The following APOB variants were observed in gnomAD, a reference collection of about 807,000 sequenced individuals.
APOB encodes apolipoprotein B-100.
A neutral mutation model predicts 314.1 loss-of-function variants in APOB; 153 were observed. That is an observed-to-expected ratio of 0.49 (90% CI 0.43 to 0.56). APOB has a LOEUF of 0.56. Ranked by LOEUF, APOB falls within the 20% of genes least tolerant of loss-of-function variation. The pLI is 0.00. For synonymous variants in APOB, 2,087 were observed against 2,036.4 expected, an observed-to-expected ratio of 1.02 and a Z score of -0.67; for missense variants, 5,430 against 5,350.7, an observed-to-expected ratio of 1.01 and a Z score of -0.46.
At chr2:21,040,390 G>A (rs1369716550) in intron 4 of APOB, among the ~76,000 whole-genome samples, 1 of 152,240 alleles carries the variant, frequency 6.6e-6, no homozygotes, top group Non-Finnish European at 1.5e-5. Context: ...AACTGTGATT[G>A]AGGATGAGGC....
intron 4 of APOB, among the ~76,000 whole-genome samples, chr2:21,040,597 C>T (rs752579847): frequency 3.9e-5 from 6 of 152,226 alleles, no homozygotes; most frequent in African/African-American, 1.2e-4. Flanking sequence ...CAGCCAGTGC[C>T]TCTGGGACCC....
intron 21 of APOB, 54 bp from the exon 22 acceptor site, chr2:21,015,599 A>G: frequency 6.3e-7 from 1 of 1,575,102 alleles, no homozygotes; most frequent in South Asian, 1.1e-5. Context: ...CAATGGAGAT[A>G]TGCAGGATTA....
At chr2:21,028,861 G>A (rs1663807894) in intron 12 of APOB, among the ~76,000 whole-genome samples, 1 of 152,196 alleles carries the variant, frequency 6.6e-6, no homozygotes, top group Non-Finnish European at 1.5e-5. Context: ...TTAATGTGAG[G>A]ATAAAGATGA....
In APOB at chr2:21,007,589, G is replaced by T. The variant is rs770472980; in HGVS notation, c.9279C>A (p.Phe3093Leu). Residue 3093 changes from phenylalanine (F) to leucine (L), a missense_variant, in exon 26 of 29, where the codon TTC becomes TTA. Coordinates refer to ENST00000233242, the MANE Select transcript of APOB (RefSeq NM_000384.3). ...AATTTTGGTTGTACTTATACTGATT[G>T]AACCTAGCACTTACTTGCCAACTTG... ...QQASWQVSAR[F>L]NQYKYNQNFS... 1 of 1,614,066 alleles carries T rather than the reference G, an allele frequency of 6.2e-7. No homozygotes were observed. The highest frequency in any genetic ancestry group is 8.5e-7 in the Non-Finnish European group (1 of 1,179,954).
In APOB at chr2:21,012,462, A is replaced by G. The variant is rs1157515229; in HGVS notation, c.4406T>C (p.Val1469Ala). ...CTGTTTCTTTTTGGAGTCCAAATGA[A>G]CTGAAGCAGACATCTGTGGTCCCCA... ...SSWGPQMSAS[V>A]HLDSKKKQHL... The change falls in exon 26 of 29, where the codon GTT (valine) becomes GCT (alanine). Residue 1469 changes from valine (V) to alanine (A), a missense_variant. Coordinates refer to ENST00000233242, the MANE Select transcript of APOB (RefSeq NM_000384.3). 1 of 1,614,208 alleles carries G rather than the reference A, an allele frequency of 6.2e-7. No homozygotes were observed. Among genetic ancestry groups the G allele is most frequent in the Non-Finnish European group, 8.5e-7 (1 of 1,180,026 alleles).
intron 14 of APOB, among the ~76,000 whole-genome samples, chr2:21,027,454 C>T (rs1056416222): frequency 6.6e-6 from 1 of 152,084 alleles, no homozygotes; most frequent in African/African-American, 2.4e-5. Flanking sequence ...GCTGGGACTA[C>T]AGGTGCCTGC....
At position 21,010,728 on chromosome 2, in the gene APOB, T is replaced by C. The variant is rs759024254; in HGVS notation, c.6140A>G (p.Glu2047Gly). ...AACAATTGTAAATTCTTGGGGCTTC[T>C]CAACGGCATCTCTCATCTCTAAAGC... ...IDALEMRDAV[E>G]KPQEFTIVAF... Residue 2047 changes from glutamate to glycine, a missense_variant, in exon 26 of 29, where the codon GAG becomes GGG. Around this residue, in one of 3 missense-constraint regions of APOB, gnomAD observed 3,281 missense variants for 3,171.0 expected, o/e 1.03. Coordinates refer to ENST00000233242, the MANE Select transcript of APOB (RefSeq NM_000384.3). The C allele has an allele frequency of 1.2e-6, 2 of 1,614,026 alleles. No homozygotes were observed. The highest frequency in any genetic ancestry group is 3.3e-5 in the Admixed American group (2 of 60,020).
In APOB at chr2:21,013,521, G is replaced by T; in HGVS notation, c.3855C>A (p.Val1285=). The change falls in exon 25 of 29, where the codon GTC becomes GTA. Residue 1285 remains valine (V), a synonymous_variant. Transcript: ENST00000233242. ...ENLFLKSDGR[V]KYTLNKNSLK... The stretch of plus-strand genomic sequence containing the variant: ...AACTGTTCTTGTTCAAGGTATATTT[G>T]ACCCGGCCATCGCTGAAATGAACAA... 1 of 1,614,112 alleles carries T rather than the reference G, an allele frequency of 6.2e-7. No homozygotes were observed. Among genetic ancestry groups the T allele is most frequent in the South Asian group, 1.1e-5 (1 of 91,052 alleles).
intron 5 of APOB, 149 bp from the exon 6 acceptor site, chr2:21,037,404 T>A: frequency 1.1e-6 from 1 of 943,964 alleles, no homozygotes; most frequent in Non-Finnish European, 1.6e-6. Flanking sequence ...CAGAGTGTGG[T>A]CTTGCTAGTG....
At chr2:21,013,654 C>T in intron 24 of APOB, 121 bp from the exon 25 acceptor site, 2 of 1,354,878 alleles carry the variant, frequency 1.5e-6, no homozygotes, top group Non-Finnish European at 2.1e-6. Context: ...CTGCACTTTT[C>T]TTTGTGCTAC....
Position 21,002,274 on chromosome 2 carries a change from G to A in APOB, c.13148C>T (p.Ala4383Val). 6.2e-7 allele frequency: 1 copy of A among 1,613,874 alleles called. No homozygotes were observed. The highest frequency in any genetic ancestry group is 8.5e-7 in the Non-Finnish European group (1 of 1,179,896). ...ELQQIHQYIM[A>V]LREEYFDPSI... ...TGGATCAAAATATTCTTCACGAAGG[G>A]CCATAATGTATTGATGGATCTGCTG... Residue 4383 changes from alanine to valine, a missense_variant, in exon 29 of 29, where the codon GCC becomes GTC. By Grantham distance (64) the Ala-to-Val change is moderately conservative. Coordinates refer to ENST00000233242, the MANE Select transcript of APOB (RefSeq NM_000384.3).
rs1663437191 is a variant in APOB at position 21,015,227 on chromosome 2, C to T, written c.3542G>A (p.Gly1181Asp). The T allele has an allele frequency of 6.2e-7, 1 of 1,614,152 alleles. No homozygotes were observed. The highest frequency in any genetic ancestry group is 8.5e-7 in the Non-Finnish European group (1 of 1,180,018). ...CATTTTTTTGGTATCTACATTGGTG[C>T]CTGTGTTCCATTCAAATTCAATCTT... ...EEKIEFEWNT[G>D]TNVDTKKMTS... The change falls in exon 23 of 29, where the codon GGC becomes GAC. Residue 1181 changes from glycine to aspartate, a missense_variant. By Grantham distance (94) the Gly-to-Asp change is moderately conservative. Coordinates refer to ENST00000233242, the MANE Select transcript of APOB (RefSeq NM_000384.3).
intron 15 of APOB, 77 bp downstream of exon 15, chr2:21,026,711 C>T (rs1381079277): frequency 9.0e-6 from 11 of 1,221,144 alleles, no homozygotes; most frequent in Non-Finnish European, 1.3e-5. Context: ...ATTTTGAGGA[C>T]TTCCATGCTT....
chr2:21,029,934 G>A lies in APOB; in HGVS notation c.1434C>T (p.Cys478=), dbSNP rs1350239216. 6.2e-7 allele frequency: 1 copy of A among 1,613,766 alleles called. No homozygotes were observed. The highest frequency in any genetic ancestry group is 1.3e-5 in the African/African-American group (1 of 74,914). The change falls in exon 11 of 29, where the codon TGC becomes TGT. Residue 478 remains cysteine (C), a synonymous_variant. Coordinates refer to ENST00000233242, the MANE Select transcript of APOB (RefSeq NM_000384.3). ...AATAGGTGTAATCTTCATCCCCAGT[G>A]CAGTCATCTTGAATCTGTTCCATCA... is the stretch of plus-strand genomic sequence containing the variant. ...NYLMEQIQDD[C]TGDEDYTYLI...
intron 4 of APOB, among the ~76,000 whole-genome samples, chr2:21,038,945 C>A (rs1479515019): frequency 6.6e-6 from 1 of 152,228 alleles, no homozygotes; most frequent in African/African-American, 2.4e-5. Flanking sequence ...AAGCTGCATG[C>A]AGAACATTCC....
chr2:21,001,932 T>C lies in APOB; in HGVS notation c.13490A>G (p.Tyr4497Cys). 1 of 1,613,970 alleles carries C rather than the reference T, an allele frequency of 6.2e-7. No individual in the cohort carries two copies. Among genetic ancestry groups the C allele is most frequent in the East Asian group, 2.2e-5 (1 of 44,870 alleles). Residue 4497 changes from tyrosine to cysteine, a missense_variant, in exon 29 of 29, where the codon TAT becomes TGT. Physicochemically the swap from Tyr to Cys is radical, Grantham distance 194. This residue lies in a region of APOB where 3,281 missense variants were observed against 3,171.0 expected (regional missense o/e 1.03). Coordinates refer to ENST00000233242, the MANE Select transcript of APOB (RefSeq NM_000384.3). ...IISDYHQQFR[Y>C]KLQDFSDQLS... ...TTGGTCTGAAAAATCTTGCAGTTTA[T>C]ATCTAAACTGCTGGTGGTAATCAGA...
rs1327706183 is a variant in APOB at position 21,005,570 on chromosome 2, T to C, written c.11298A>G (p.Arg3766=). 3 of 1,614,096 alleles carry C rather than the reference T, an allele frequency of 1.9e-6. No homozygotes were observed. The highest frequency in any genetic ancestry group is 2.5e-6 in the Non-Finnish European group (3 of 1,179,982). Residue 3766 remains arginine, a synonymous_variant, in exon 26 of 29, where the codon AGA becomes AGG. Coordinates refer to ENST00000233242, the MANE Select transcript of APOB (RefSeq NM_000384.3). ...TCAGCTTCTTATAGATTTGTATTTC[T>C]CTGAAGTCAAGTTTGCACGATGGAA... is the stretch of plus-strand genomic sequence containing the variant. ...LQVPSCKLDF[R]EIQIYKKLRT...
At chr2:21,040,557 A>G (rs1664105377) in intron 4 of APOB, among the ~76,000 whole-genome samples, 1 of 152,222 alleles carries the variant, frequency 6.6e-6, no homozygotes, top group Non-Finnish European at 1.5e-5. Flanking sequence ...TGCGGTGAAC[A>G]GACCCTGCCC....
At position 21,014,525 on chromosome 2, in the gene APOB, G is replaced by T. The variant is rs1317212924; in HGVS notation, c.3765C>A (p.Leu1255=). The T allele has an allele frequency of 6.2e-7, 1 of 1,614,100 alleles. No individual in the cohort carries two copies. The highest frequency in any genetic ancestry group is 8.5e-7 in the Non-Finnish European group (1 of 1,180,006). ...GGAGGTTGAACTCCTTCAGGCTATT[G>T]AGGTGGTCTTGCAAAGTCTGGGTAT... The part of the protein sequence containing the change: ...LPYTQTLQDH[L]NSLKEFNLQN... Residue 1255 remains leucine, a synonymous_variant, in exon 24 of 29, where the codon CTC becomes CTA. Coordinates refer to ENST00000233242, the MANE Select transcript of APOB (RefSeq NM_000384.3).
Sources: gnomAD v4.1 joint callset for allele counts (sites outside exome capture counted in the v4.1 genomes callset) on GRCh38, gnomAD v4.1.1 for gene constraint, gnomAD v4.1.1 regional missense constraint, MANE v1.5 for transcripts, NCBI Gene and HGNC (gene_info 2026-07-23, HGNC 2026-07-21) for gene names.